Variants in UBR2 observed in about 807,000 individuals in gnomAD.
The protein encoded by UBR2 is ubiquitin protein ligase E3 component n-recognin 2, also known as E3 ubiquitin-protein ligase UBR2.
UBR2 carries 92 observed loss-of-function variants against 247.9 expected under a neutral mutation model. The observed-to-expected ratio is 0.37, with a 90% CI of 0.31 to 0.44. The LOEUF is 0.44. Among genes scored for constraint, UBR2 ranks in the 20% least tolerant of loss-of-function variants. The pLI, the probability that UBR2 is intolerant of heterozygous loss-of-function variation, is 1.00. For synonymous variants in UBR2, 672 were observed against 693.5 expected (o/e 0.97, Z 0.49); for missense variants, 1,613 against 2,112.6 (o/e 0.76, Z 4.64).
At chr6:42,600,909 G>A (rs986469554) in intron 4 of UBR2, among the ~76,000 whole-genome samples, 4 of 151,998 alleles carry the variant, frequency 2.6e-5, no homozygotes, top group East Asian at 1.9e-4. Context: ...CTCCCACCTC[G>A]GCCTTGCAAA....
intron 34 of UBR2, 35 bp from the exon 35 acceptor site, chr6:42,670,057 T>C: frequency 6.2e-7 from 1 of 1,608,982 alleles, no homozygotes; most frequent in Non-Finnish European, 8.5e-7. Flanking sequence ...TATGTGCACA[T>C]TGTTCTGAGC....
At chr6:42,655,538 A>G in intron 25 of UBR2, 83 bp from the exon 26 acceptor site, 2 of 745,750 alleles carry the variant, frequency 2.7e-6, no homozygotes, top group Non-Finnish European at 4.2e-6. Context: ...ATCTTTTTCA[A>G]TAATTCTTTT....
At chr6:42,624,337 T>TGGG (rs35921876) in intron 11 of UBR2, among the ~76,000 whole-genome samples, 3 of 145,864 alleles carry the variant, frequency 2.1e-5, no homozygotes, top group Non-Finnish European at 1.5e-5. Flanking sequence ...GTTGAGTTGG[T>TGGG]GGGGGGGGTG....
chr6:42,585,126 C>T (rs1213562187), intron 2 of UBR2, among the ~76,000 whole-genome samples: 1 of 152,030 alleles, frequency 6.6e-6, no homozygotes, highest in Non-Finnish European at 1.5e-5. Context: ...CCTTCTATTC[C>T]TAGTTTACCT....
chr6:42,575,948 A>G (rs559608506), intron 2 of UBR2, among the ~76,000 whole-genome samples: 8 of 152,300 alleles, frequency 5.3e-5, no homozygotes, highest in Admixed American at 4.6e-4. Flanking sequence ...GATTTGGTCA[A>G]TAGGAGCCCC....
rs1195918041 is a variant in UBR2 at position 42,641,613 on chromosome 6, A to G, written c.1952A>G (p.His651Arg). ...SELSPPMLIE[H>R]PLRCLVLCAQ... ...CTTAGCCCACCCATGTTGATAGAAC[A>G]CCCTCTTAGATGTCTTGTTCTGTGT... The change falls in exon 17 of 47, where the codon CAC becomes CGC. Residue 651 changes from histidine (H) to arginine (R), a missense_variant. By Grantham distance (29) the His-to-Arg change is conservative. This residue lies in a region of UBR2 where 1,524 missense variants were observed against 1,967.3 expected (regional missense o/e 0.77). Coordinates refer to ENST00000372901, the MANE Select transcript of UBR2 (RefSeq NM_001363705.2). 6.3e-7 allele frequency: 1 copy of G among 1,598,112 alleles called. No homozygotes were observed. The highest frequency in any genetic ancestry group is 1.4e-5 in the African/African-American group (1 of 73,494).
At chr6:42,685,014 GA>G in intron 44 of UBR2, 143 bp downstream of exon 44, 2 of 652,996 alleles carry the variant, frequency 3.1e-6, no homozygotes, top group South Asian at 2.5e-5. Context: ...GAGAAAAAAG[GA>G]AAAAAAGAAG....
In UBR2 at chr6:42,564,116, A is replaced by T. The variant is rs1313603881; in HGVS notation, c.-204A>T. 8 of 578,060 alleles carry T rather than the reference A, an allele frequency of 1.4e-5. No homozygotes were observed. Among genetic ancestry groups the T allele is most frequent in the Non-Finnish European group, 2.4e-5 (8 of 337,838 alleles). The allele number at this position is 578,060 out of a possible 1,614,324, so 35.8% of individuals were successfully genotyped here. A position where few individuals can be genotyped will look rare whatever the true frequency, so the allele number is the denominator to read the frequency against. On this transcript the variant is annotated 5_prime_UTR_variant, in exon 1 of 47. Coordinates refer to ENST00000372901, the MANE Select transcript of UBR2 (RefSeq NM_001363705.2). ...GCCAGTGACTTGACTCTTGGGCGCT[A>T]AGCTTGGGAGGGAGCGCAGGAGGCC... is the stretch of plus-strand genomic sequence containing the variant.
At chr6:42,623,537 C>T (rs9349236) in intron 11 of UBR2, among the ~76,000 whole-genome samples, 37,400 of 151,840 alleles carry the variant, frequency 0.25, 4,961 homozygotes, top group East Asian at 0.46. Context: ...CTACAACCTC[C>T]GCCTTCCGGG....
intron 4 of UBR2, among the ~76,000 whole-genome samples, chr6:42,599,818 C>T (rs1793244039): frequency 6.6e-6 from 1 of 151,992 alleles, no homozygotes; most frequent in Non-Finnish European, 1.5e-5. Flanking sequence ...AGGCTGATCT[C>T]AAACTCCTGG....
chr6:42,603,748 T>G, intron 5 of UBR2, 30 bp downstream of exon 5: 1 of 1,563,572 alleles, frequency 6.4e-7, no homozygotes, highest in East Asian at 2.4e-5. Context: ...TCTTCATGTA[T>G]GAAGAACTGC....
intron 33 of UBR2, 114 bp downstream of exon 33, chr6:42,665,626 T>A (rs1468250013): frequency 1.7e-5 from 14 of 807,708 alleles, no homozygotes; most frequent in Non-Finnish European, 2.7e-5. Flanking sequence ...TTTGACTCAT[T>A]CTAATTTTCC....
At chr6:42,635,646 TG>T in intron 14 of UBR2, 100 bp downstream of exon 14, 3 of 1,384,002 alleles carry the variant, frequency 2.2e-6, no homozygotes, top group South Asian at 3.0e-5. Flanking sequence ...AAAATAGTGG[TG>T]ATACTTAGTT....
chr6:42,670,402 G>C (rs1354216497), intron 35 of UBR2, among the ~76,000 whole-genome samples, 162 bp downstream of exon 35: 1 of 152,146 alleles, frequency 6.6e-6, no homozygotes, highest in East Asian at 1.9e-4. Flanking sequence ...CAAAATACTA[G>C]ATTGATAGTT....
At chr6:42,566,645 C>T (rs1011839302) in intron 1 of UBR2, among the ~76,000 whole-genome samples, 1 of 152,220 alleles carries the variant, frequency 6.6e-6, no homozygotes, top group Non-Finnish European at 1.5e-5. Flanking sequence ...GCCTTGGCCT[C>T]CCAAAGTCCT....
rs1554251970 is a variant in UBR2, at chr6:42,619,453, A to ATTTATTT, written c.1281+1949_1281+1950insATTTTTT. ...TATATATATATATATATATATATAT[A>ATTTATTT]TTTTTTTTTTTTAGTTCTCTATCTC... On this transcript the variant is annotated intron_variant, in intron 11 of 46. Transcript: ENST00000372901. 3 of 23,730 alleles carry ATTTATTT rather than the reference A, an allele frequency of 1.3e-4. 1 individual carries two copies. In the East Asian group the frequency reaches 5.0e-3, roughly 39 times the overall value. The allele number at this position is 23,730 out of a possible 1,614,324, so 1.5% of individuals were successfully genotyped here. A position where few individuals can be genotyped will look rare whatever the true frequency, so the allele number is the denominator to read the frequency against.
chr6:42,691,071 G>A lies in UBR2; in HGVS notation c.5166G>A (p.Lys1722=). 6.2e-7 allele frequency: 1 copy of A among 1,614,178 alleles called. No homozygotes were observed. The highest frequency in any genetic ancestry group is 8.5e-7 in the Non-Finnish European group (1 of 1,180,036). Residue 1722 remains lysine (K), a synonymous_variant, in exon 47 of 47, where the codon AAG becomes AAA. Coordinates refer to ENST00000372901, the MANE Select transcript of UBR2 (RefSeq NM_001363705.2). ...NPLHLCKERF[K]KIQKLWHQHS... ...TACATTTATGCAAAGAGCGATTCAA[G>A]AAGATTCAGAAGCTCTGGCACCAAC...
intron 2 of UBR2, among the ~76,000 whole-genome samples, chr6:42,589,699 A>G (rs1168016320): frequency 6.6e-6 from 1 of 152,126 alleles, no homozygotes; most frequent in East Asian, 1.9e-4. Context: ...GCCTGTTCAG[A>G]TTGTTTGTAC....
chr6:42,604,195 T>C (rs1202536430), intron 5 of UBR2, among the ~76,000 whole-genome samples: 2 of 152,232 alleles, frequency 1.3e-5, no homozygotes, highest in African/African-American at 4.8e-5. Context: ...TCTACCATTT[T>C]TACTTAAATT....
Sources: gnomAD v4.1 joint callset for allele counts (sites outside exome capture counted in the v4.1 genomes callset) on GRCh38, gnomAD v4.1.1 for gene constraint, gnomAD v4.1.1 regional missense constraint, MANE v1.5 for transcripts, NCBI Gene and HGNC (gene_info 2026-07-23, HGNC 2026-07-21) for gene names.